Variants in IQCH observed in about 807,000 individuals in gnomAD.
The protein encoded by IQCH is IQ domain-containing protein H.
Under a neutral mutation model 117.0 loss-of-function variants are expected in IQCH, and 98 were observed. The ratio of observed to expected loss-of-function variants is 0.84; its 90% confidence interval spans 0.71 to 0.99. IQCH has a LOEUF of 0.99. Among genes scored for constraint, IQCH ranks in the 50% least tolerant of loss-of-function variants. The pLI, the probability that IQCH is intolerant of heterozygous loss-of-function variation, is 0.00. For synonymous variants in IQCH, 412 were observed against 448.2 expected, an observed-to-expected ratio of 0.92 and a Z score of 1.02; for missense variants, 1,102 against 1,243.8, an observed-to-expected ratio of 0.89 and a Z score of 1.72.
chr15:67,400,737 G>A (rs1971628330), intron 14 of IQCH, among the ~76,000 whole-genome samples: 1 of 151,546 alleles, frequency 6.6e-6, no homozygotes, highest in Non-Finnish European at 1.5e-5. Context: ...GAGCTCAAAC[G>A]ATACACCCAT....
In IQCH at chr15:67,390,295, A is replaced by G. The variant is rs1971243508; in HGVS notation, c.1632+1289A>G. The stretch of plus-strand genomic sequence containing the variant: ...GGTGCAAGGAAGAAAAAGAACTACC[A>G]TTAGTGTTTAGTTAAATTCCTGATT... On this transcript the variant is annotated intron_variant, in intron 12 of 20. Coordinates refer to ENST00000335894, the MANE Select transcript of IQCH (RefSeq NM_001031715.3). This position sits in a 1 kb window ranked among gnomAD's most constrained non-coding sequence, Gnocchi z 5.0. Among the ~76,000 whole-genome samples, 1 of 152,150 alleles carries G rather than the reference A, an allele frequency of 6.6e-6. No homozygotes were observed. The highest frequency in any genetic ancestry group is 1.5e-5 in the Non-Finnish European group (1 of 68,024).
intron 4 of IQCH, among the ~76,000 whole-genome samples, chr15:67,314,129 C>T (rs1026463327): frequency 6.6e-6 from 1 of 152,138 alleles, no homozygotes; most frequent in African/African-American, 2.4e-5. Flanking sequence ...CCCACTACTA[C>T]TTACAATTCT....
intron 4 of IQCH, chr15:67,304,446 A>G (rs1470413267): frequency 1.3e-6 from 2 of 1,493,412 alleles, no homozygotes; most frequent in Non-Finnish European, 1.8e-6. Flanking sequence ...TTAATCAGAG[A>G]AAAGCATGTG....
intron 4 of IQCH, among the ~76,000 whole-genome samples, chr15:67,324,983 A>G (rs1968339922): frequency 6.6e-6 from 1 of 151,856 alleles, no homozygotes; most frequent in Non-Finnish European, 1.5e-5. Context: ...GATTTTGGCC[A>G]TTGTTTCTTT....
At chr15:67,429,162 A>T (rs2081963661) in intron 16 of IQCH, among the ~76,000 whole-genome samples, 1 of 152,258 alleles carries the variant, frequency 6.6e-6, no homozygotes, top group Non-Finnish European at 1.5e-5. Flanking sequence ...CAGCAGCAAT[A>T]GGATACTAAT....
At chr15:67,259,425 C>A (rs930632064) in intron 1 of IQCH, among the ~76,000 whole-genome samples, 1 of 152,118 alleles carries the variant, frequency 6.6e-6, no homozygotes, top group African/African-American at 2.4e-5. Flanking sequence ...ATTAGAAATT[C>A]AGAAAATTTA....
chr15:67,483,343 C>T (rs2083388006), intron 18 of IQCH, among the ~76,000 whole-genome samples: 1 of 152,128 alleles, frequency 6.6e-6, no homozygotes, highest in South Asian at 2.1e-4. Flanking sequence ...ATAGCGAAAC[C>T]CCATCTCTAC....
chr15:67,341,172 A>G (rs1231874100), intron 5 of IQCH, among the ~76,000 whole-genome samples: 2 of 152,244 alleles, frequency 1.3e-5, no homozygotes, highest in African/African-American at 4.8e-5. Context: ...AGATCATGCC[A>G]CTATACTCTA....
chr15:67,347,880 GAT>G (rs1969477242), intron 6 of IQCH, among the ~76,000 whole-genome samples: 1 of 145,620 alleles, frequency 6.9e-6, no homozygotes. Flanking sequence ...TTTATATATA[GAT>G]ATATATGTTT....
At chr15:67,495,626 T>C (rs1459662609) in intron 20 of IQCH, among the ~76,000 whole-genome samples, 2 of 152,236 alleles carry the variant, frequency 1.3e-5, no homozygotes, top group African/African-American at 4.8e-5. Context: ...ATAATCAGAA[T>C]CAGATGCTTT....
chr15:67,435,827 G>T (rs978844080), intron 16 of IQCH, among the ~76,000 whole-genome samples: 2 of 151,668 alleles, frequency 1.3e-5, no homozygotes, highest in African/African-American at 4.8e-5. Context: ...AGCCAAGATG[G>T]CATCACTGCA....
intron 5 of IQCH, among the ~76,000 whole-genome samples, chr15:67,340,447 A>ACAAC (rs1268065699): frequency 6.8e-6 from 1 of 146,284 alleles, no homozygotes; most frequent in Non-Finnish European, 1.5e-5. Context: ...AAAAAAAAAA[A>ACAAC]AAAAAAAAAA....
At chr15:67,306,388 A>G (rs1967295015) in intron 4 of IQCH, among the ~76,000 whole-genome samples, 1 of 152,122 alleles carries the variant, frequency 6.6e-6, no homozygotes, top group Non-Finnish European at 1.5e-5. Context: ...AAAGCTAATC[A>G]TTTTAGAACT....
Position 67,388,687 on chromosome 15 carries a change from T to C in IQCH, c.1457-144T>C. On this transcript the variant is annotated intron_variant, in intron 11 of 20. Transcript: ENST00000335894. The surrounding 1 kb of genome is among the most constrained non-coding windows in gnomAD (Gnocchi z 5.5). Reference sequence around the variant, plus strand: ...AAAAAAGCCAGTTAGATTGCTCAGATAGTACAAAACCAAACTAAATTAACC... The same window carrying C: ...AAAAAAGCCAGTTAGATTGCTCAGACAGTACAAAACCAAACTAAATTAACC... 1 of 614,666 alleles carries C rather than the reference T, an allele frequency of 1.6e-6. No homozygotes were observed. The allele number at this position is 614,666 out of a possible 1,614,324, so 38.1% of individuals were successfully genotyped here.
rs949597544 is a variant in IQCH, at chr15:67,458,767, G to A, written c.2506-6360G>A. ...GTGGTCCAATGCTGGATTTTCTGTC[G>A]AACTGGGGCTGTGAATGCTGTGAAC... On this transcript the variant is annotated intron_variant, in intron 16 of 20. Coordinates refer to ENST00000335894, the MANE Select transcript of IQCH (RefSeq NM_001031715.3). This position sits in a 1 kb window ranked among gnomAD's most constrained non-coding sequence, Gnocchi z 4.1. Among the ~76,000 whole-genome samples the A allele has an allele frequency of 3.9e-5, 6 of 152,162 alleles. No homozygotes were observed. The highest frequency in any genetic ancestry group is 1.9e-4 in the East Asian group (1 of 5,196).
intron 16 of IQCH, among the ~76,000 whole-genome samples, chr15:67,451,501 C>A (rs2082525983): frequency 6.6e-6 from 1 of 152,126 alleles, no homozygotes; most frequent in Non-Finnish European, 1.5e-5. Context: ...CATTCAGGAG[C>A]AGGTTGTTCA....
chr15:67,400,319 G>A lies in IQCH; in HGVS notation c.2097+14G>A. On this transcript the variant is annotated intron_variant, in intron 14 of 20. Coordinates refer to ENST00000335894, the MANE Select transcript of IQCH (RefSeq NM_001031715.3). Reference sequence around the variant, plus strand: ...AAATGGGCACAAGTGAGTATTCAATGGTGACTTAAACCCGCAGGGTCTGTG... The same window carrying A: ...AAATGGGCACAAGTGAGTATTCAATAGTGACTTAAACCCGCAGGGTCTGTG... 1 of 1,600,944 alleles carries A rather than the reference G, an allele frequency of 6.2e-7. No homozygotes were observed. Among genetic ancestry groups the A allele is most frequent in the South Asian group, 1.1e-5 (1 of 90,738 alleles).
chr15:67,334,687 C>T (rs1003043590), intron 4 of IQCH, among the ~76,000 whole-genome samples: 5 of 152,192 alleles, frequency 3.3e-5, no homozygotes, highest in South Asian at 2.1e-4. Flanking sequence ...GGGGCCCAGG[C>T]GGCAGTATTT....
rs1408518941 is a variant in IQCH, at chr15:67,370,913, T to A, written c.754-1198T>A. Reference sequence around the variant, plus strand: ...AAGAAAACGCGTGAATAATCTGATATAGTAATACTCAACACAGTGCTGTGG... The same window carrying A: ...AAGAAAACGCGTGAATAATCTGATAAAGTAATACTCAACACAGTGCTGTGG... On this transcript the variant is annotated intron_variant, in intron 8 of 20. Coordinates refer to ENST00000335894, the MANE Select transcript of IQCH (RefSeq NM_001031715.3). This position sits in a 1 kb window ranked among gnomAD's most constrained non-coding sequence, Gnocchi z 5.6. 6.7e-6 allele frequency among the ~76,000 whole-genome samples: 1 copy of A among 148,828 alleles called. No homozygotes were observed. The highest frequency in any genetic ancestry group is 2.1e-4 in the South Asian group (1 of 4,654).
Sources: gnomAD v4.1 joint callset for allele counts (sites outside exome capture counted in the v4.1 genomes callset) on GRCh38, gnomAD v4.1.1 for gene constraint, Gnocchi (gnomAD v3.1) non-coding constraint, MANE v1.5 for transcripts, NCBI Gene and HGNC (gene_info 2026-07-23, HGNC 2026-07-21) for gene names.